CARMIL2: variants seen among roughly 807,000 people sequenced by gnomAD.
CARMIL2 encodes capping protein, Arp2/3 and myosin-I linker protein 2.
Under a neutral mutation model 173.3 loss-of-function variants are expected in CARMIL2, and 96 were observed. The ratio of observed to expected loss-of-function variants is 0.55; its 90% confidence interval spans 0.47 to 0.66. CARMIL2 has a LOEUF of 0.66. CARMIL2 is among the 30% of genes least tolerant of loss of function. CARMIL2 has a pLI of 0.00. For synonymous variants in CARMIL2, 830 were observed against 817.1 expected (o/e 1.02, Z -0.27); for missense variants, 1,771 against 1,906.7 (o/e 0.93, Z 1.33).
At position 67,647,166 on chromosome 16, in the gene CARMIL2, G is replaced by C; in HGVS notation, c.662G>C (p.Cys221Ser). 1 of 1,613,848 alleles carries C rather than the reference G, an allele frequency of 6.2e-7. No homozygotes were observed. The highest frequency in any genetic ancestry group is 1.1e-5 in the South Asian group (1 of 91,088). The change falls in exon 9 of 38, where the codon TGC (cysteine) becomes TCC (serine). Residue 221 changes from cysteine to serine, a missense_variant. Physicochemically the swap from Cys to Ser is moderately radical, Grantham distance 112. Coordinates refer to ENST00000334583, the MANE Select transcript of CARMIL2 (RefSeq NM_001013838.3). Reference sequence around the variant, plus strand: ...CTGTCCTACAACCTGTGGTTCCGGTGCCTCTCCTGTGTGGACATGAAGCTG... The same window carrying C: ...CTGTCCTACAACCTGTGGTTCCGGTCCCTCTCCTGTGTGGACATGAAGCTG... ...AALSYNLWFR[C>S]LSCVDMKLSL...
chr16:67,655,960 A>C, intron 32 of CARMIL2, 71 bp from the exon 33 acceptor site: 1 of 1,535,274 alleles, frequency 6.5e-7, no homozygotes, highest in Non-Finnish European at 8.8e-7. Flanking sequence ...GATTATAAGA[A>C]CAAGAACGAA....
In CARMIL2 at chr16:67,645,232, C is replaced by A; in HGVS notation, c.-15C>A. On this transcript the variant is annotated 5_prime_UTR_variant, in exon 1 of 38. Coordinates refer to ENST00000334583, the MANE Select transcript of CARMIL2 (RefSeq NM_001013838.3). ...CCCGCCGGAGCTCGTTGGGCCTCCC[C>A]GGCCCGCCCGGCCCATGGCCCAGAC... 1 of 1,579,000 alleles carries A rather than the reference C, an allele frequency of 6.3e-7. No homozygotes were observed. The highest frequency in any genetic ancestry group is 2.3e-5 in the East Asian group (1 of 43,274).
chr16:67,649,797 C>T lies in CARMIL2; in HGVS notation c.1920-9C>T, dbSNP rs765304427. ...GCTCCGTCCCCGACTGAAGCCAGGC[C>T]CGGCCCAGGTCTGTGGTCTGGGACC... On this transcript the variant is annotated splice_polypyrimidine_tract_variant and intron_variant, in intron 20 of 37. Transcript: ENST00000334583. The surrounding 1 kb of genome is among the most constrained non-coding windows in gnomAD (Gnocchi z 6.7). 1.9e-6 allele frequency: 3 copies of T among 1,607,582 alleles called. No individual in the cohort carries two copies. In the South Asian group the frequency reaches 3.3e-5, roughly 18 times the overall value.
In CARMIL2 at chr16:67,653,120, GC is replaced by G; in HGVS notation, c.2990del (p.Pro997LeufsTer72). ...PSARGSPSPA[A>X]PGPPAGPLPR... The stretch of plus-strand genomic sequence containing the variant: ...CGCGCGCGGCTCTCCGAGCCCTGCC[GC>G]CCCTGGGCCCCCGGCCGGCCCGCTG... On this transcript the variant is annotated frameshift_variant, in exon 29 of 38. Coordinates refer to ENST00000334583, the MANE Select transcript of CARMIL2 (RefSeq NM_001013838.3). LOFTEE classifies it high-confidence loss of function. The surrounding 1 kb of genome is among the most constrained non-coding windows in gnomAD (Gnocchi z 7.4). 3.6e-6 allele frequency: 4 copies of G among 1,124,966 alleles called. No individual in the cohort carries two copies. Among genetic ancestry groups the G allele is most frequent in the South Asian group, 2.9e-5 (1 of 34,924 alleles). The allele number at this position is 1,124,966 out of a possible 1,614,324, so 69.7% of individuals were successfully genotyped here.
rs1436784717 is a variant in CARMIL2, at chr16:67,649,323, G to A, written c.1746+12G>A. 1.2e-6 allele frequency: 2 copies of A among 1,611,174 alleles called. No individual in the cohort carries two copies. The highest frequency in any genetic ancestry group is 1.7e-5 in the Admixed American group (1 of 60,006). On this transcript the variant is annotated intron_variant, in intron 19 of 37. Transcript: ENST00000334583. The surrounding 1 kb of genome is among the most constrained non-coding windows in gnomAD (Gnocchi z 6.7). ...AGGACGACGATTGTGTGAGTTCACGGGACCTTGCAGGGCCTCGGGCAATTA... is the reference window on the plus strand; with the variant it reads ...AGGACGACGATTGTGTGAGTTCACGAGACCTTGCAGGGCCTCGGGCAATTA...
At chr16:67,654,271 GGGGTGGGAGA>G in intron 30 of CARMIL2, 22 bp downstream of exon 30, 2 of 1,574,656 alleles carry the variant, frequency 1.3e-6, no homozygotes, top group Non-Finnish European at 1.7e-6. Context: ...GCATCTGCTG[GGGGTGGGAGA>G]GGGTGGGATG....
chr16:67,653,054 GC>G lies in CARMIL2; in HGVS notation c.2921del (p.Ala974GlyfsTer95). On this transcript the variant is annotated frameshift_variant, in exon 29 of 38. Coordinates refer to ENST00000334583, the MANE Select transcript of CARMIL2 (RefSeq NM_001013838.3). LOFTEE classifies it high-confidence loss of function. This position sits in a 1 kb window ranked among gnomAD's most constrained non-coding sequence, Gnocchi z 7.4. ...AEEAEPEPEL[A>X]APGEDAEPQA... ...GGAAGCGGAGCCGGAGCCCGAGCTGGCGGCTCCGGGAGAAGATGCAGAGCCG... is the reference window on the plus strand; with the variant it reads ...GGAAGCGGAGCCGGAGCCCGAGCTGGGGCTCCGGGAGAAGATGCAGAGCCG... 7.9e-7 allele frequency: 1 copy of G among 1,270,032 alleles called. No individual in the cohort carries two copies. Among genetic ancestry groups the G allele is most frequent in the Admixed American group, 3.8e-5 (1 of 26,252 alleles). 78.7% of individuals were successfully genotyped at this position (1,270,032 alleles called of 1,614,324 possible).
intron 9 of CARMIL2, 22 bp from the exon 10 acceptor site, chr16:67,647,277 G>T (rs1318664247): frequency 6.2e-7 from 1 of 1,609,940 alleles, no homozygotes; most frequent in South Asian, 1.1e-5. Context: ...CAGCCCGTGA[G>T]CCGCCGCCCT....
Position 67,654,671 on chromosome 16 carries a change from G to T in CARMIL2, c.3561G>T (p.Thr1187=). ...MILLPAEEEA[T]LGARPDKRRP... is the part of the protein sequence containing the mutation. ...TGCTGCCTGCCGAGGAGGAGGCAAC[G>T]CTGGGTGCCAGACCCGACAAGGTGA... Residue 1187 remains threonine, a synonymous_variant, in exon 31 of 38, where the codon ACG becomes ACT. Coordinates refer to ENST00000334583, the MANE Select transcript of CARMIL2 (RefSeq NM_001013838.3). 6.3e-7 allele frequency: 1 copy of T among 1,587,176 alleles called. No homozygotes were observed. The highest frequency in any genetic ancestry group is 8.6e-7 in the Non-Finnish European group (1 of 1,165,340).
In CARMIL2 at chr16:67,649,178, C is replaced by T. The variant is rs1313153984; in HGVS notation, c.1688+6C>T. ...AACTTCAACGTCCGGTGCAAGTGAG[C>T]CCCCACCCTACTCCTGGGCCTCCCA... On this transcript the variant is annotated splice_donor_region_variant and intron_variant, in intron 18 of 37. Coordinates refer to ENST00000334583, the MANE Select transcript of CARMIL2 (RefSeq NM_001013838.3). This position sits in a 1 kb window ranked among gnomAD's most constrained non-coding sequence, Gnocchi z 6.7. The T allele has an allele frequency of 1.2e-6, 2 of 1,612,904 alleles. No individual in the cohort carries two copies. The highest frequency in any genetic ancestry group is 2.7e-5 in the African/African-American group (2 of 74,890).
At chr16:67,650,443 C>T (rs1012522562) in intron 22 of CARMIL2, 4 of 487,292 alleles carry the variant, frequency 8.2e-6, no homozygotes, top group African/African-American at 5.8e-5. Context: ...TCTGTCCTCA[C>T]ATATACGTGA....
Position 67,651,020 on chromosome 16 carries a change from A to G in CARMIL2, c.2185-167A>G. 2.8e-6 allele frequency: 2 copies of G among 705,210 alleles called. No homozygotes were observed. Among genetic ancestry groups the G allele is most frequent in the Admixed American group, 5.9e-5 (2 of 34,008 alleles). The allele number at this position is 705,210 out of a possible 1,614,324, so 43.7% of individuals were successfully genotyped here. A position where few individuals can be genotyped will look rare whatever the true frequency, so the allele number is the denominator to read the frequency against. ...ATATAAAGTCCTTAAAATGAACCAA[A>G]GCAACAGATAGTTCCTTCCCTCCTT... On this transcript the variant is annotated intron_variant, in intron 22 of 37. Coordinates refer to ENST00000334583, the MANE Select transcript of CARMIL2 (RefSeq NM_001013838.3). This position sits in a 1 kb window ranked among gnomAD's most constrained non-coding sequence, Gnocchi z 4.2.
chr16:67,647,698 G>C lies in CARMIL2; in HGVS notation c.890G>C (p.Arg297Thr). Residue 297 changes from arginine (R) to threonine (T), a missense_variant, in exon 12 of 38, where the codon AGA (arginine) becomes ACA (threonine). Transcript: ENST00000334583. ...CCCCAAGGCATGACTGCACTCAGCAGACACCTCGAGCGTTGTCCAGGAGCC... is the reference window on the plus strand; with the variant it reads ...CCCCAAGGCATGACTGCACTCAGCACACACCTCGAGCGTTGTCCAGGAGCC... ...LDDRGMTALS[R>T]HLERCPGALR... The C allele has an allele frequency of 6.3e-7, 1 of 1,596,140 alleles. No homozygotes were observed. Among genetic ancestry groups the C allele is most frequent in the Non-Finnish European group, 8.5e-7 (1 of 1,172,368 alleles).
chr16:67,656,936 C>T, intron 36 of CARMIL2, 55 bp downstream of exon 36: 1 of 1,355,342 alleles, frequency 7.4e-7, no homozygotes, highest in Non-Finnish European at 1.0e-6. Flanking sequence ...GGAGGGTGGG[C>T]TTCTGGGGCT....
At position 67,652,340 on chromosome 16, in the gene CARMIL2, G is replaced by A. The variant is rs1385898860; in HGVS notation, c.2817+1G>A. The A allele has an allele frequency of 1.9e-6, 3 of 1,613,208 alleles. No homozygotes were observed. The highest frequency in any genetic ancestry group is 2.5e-6 in the Non-Finnish European group (3 of 1,179,828). ...GGAGAAGGAAGAGGAGAAGGAGAAGGTAAGTGGTTTTAGAACACGGGGCAT... is the reference window on the plus strand; with the variant it reads ...GGAGAAGGAAGAGGAGAAGGAGAAGATAAGTGGTTTTAGAACACGGGGCAT... On this transcript the variant is annotated splice_donor_variant, in intron 27 of 37. Coordinates refer to ENST00000334583, the MANE Select transcript of CARMIL2 (RefSeq NM_001013838.3). LOFTEE classifies it high-confidence loss of function. This position sits in a 1 kb window ranked among gnomAD's most constrained non-coding sequence, Gnocchi z 4.7.
In CARMIL2 at chr16:67,656,255, C is replaced by T. The variant is rs756653373; in HGVS notation, c.3770C>T (p.Ala1257Val). 6 of 1,613,878 alleles carry T rather than the reference C, an allele frequency of 3.7e-6. No individual in the cohort carries two copies. Among genetic ancestry groups the T allele is most frequent in the African/African-American group, 2.7e-5 (2 of 74,928 alleles). ...GACATTATGGACAGTTCCACGGAGG[C>T]CCCTCCCATCTCGATCAAGTCCCGC... The part of the protein sequence containing the change: ...DGDIMDSSTE[A>V]PPISIKSRTH... The change falls in exon 34 of 38, where the codon GCC (alanine) becomes GTC (valine). Residue 1257 changes from alanine to valine, a missense_variant. Transcript: ENST00000334583.
rs1049535066 is a variant in CARMIL2, at chr16:67,650,117, G to T, written c.2151G>T (p.Gln717His). 3 of 1,613,310 alleles carry T rather than the reference G, an allele frequency of 1.9e-6. No individual in the cohort carries two copies. The highest frequency in any genetic ancestry group is 2.5e-6 in the Non-Finnish European group (3 of 1,179,732). ...CTTCTGACCACACGACCCGCCTTCAGCCACTTGGTCTGGTCTCAGACCCCT... is the reference window on the plus strand; with the variant it reads ...CTTCTGACCACACGACCCGCCTTCATCCACTTGGTCTGGTCTCAGACCCCT... ...PASSDHTTRLQPLGLVSDPSE... is the reference protein window; with the variant it reads ...PASSDHTTRLHPLGLVSDPSE... Residue 717 changes from glutamine to histidine, a missense_variant, in exon 22 of 38, where the codon CAG becomes CAT. Physicochemically the swap from Gln to His is conservative, Grantham distance 24. Coordinates refer to ENST00000334583, the MANE Select transcript of CARMIL2 (RefSeq NM_001013838.3).
In CARMIL2 at chr16:67,652,636, C is replaced by T; in HGVS notation, c.2884+98C>T. On this transcript the variant is annotated intron_variant, in intron 28 of 37. Coordinates refer to ENST00000334583, the MANE Select transcript of CARMIL2 (RefSeq NM_001013838.3). This position sits in a 1 kb window ranked among gnomAD's most constrained non-coding sequence, Gnocchi z 4.7. ...CCTGGATGAACTCATTCAGCCTTGTCTGGGTACCCACCAGCCCTTGACTGG... is the reference window on the plus strand; with the variant it reads ...CCTGGATGAACTCATTCAGCCTTGTTTGGGTACCCACCAGCCCTTGACTGG... The T allele has an allele frequency of 8.3e-7, 1 of 1,202,016 alleles. No homozygotes were observed. Among genetic ancestry groups the T allele is most frequent in the Non-Finnish European group, 1.2e-6 (1 of 836,866 alleles). The allele number at this position is 1,202,016 out of a possible 1,614,324, so 74.5% of individuals were successfully genotyped here. A position where few individuals can be genotyped will look rare whatever the true frequency, so the allele number is the denominator to read the frequency against.
Position 67,653,719 on chromosome 16 carries a change from C to G in CARMIL2, c.3121-430C>G, listed in dbSNP as rs2052774158. On this transcript the variant is annotated intron_variant, in intron 29 of 37. Coordinates refer to ENST00000334583, the MANE Select transcript of CARMIL2 (RefSeq NM_001013838.3). This position sits in a 1 kb window ranked among gnomAD's most constrained non-coding sequence, Gnocchi z 7.4. The stretch of plus-strand genomic sequence containing the variant: ...AGGGCGGGGAGGAGCCGGCTTGAGG[C>G]CCCCCAGAGGGTCTGACGCAGCAGC... 1.3e-5 allele frequency among the ~76,000 whole-genome samples: 2 copies of G among 151,976 alleles called. No homozygotes were observed. Among genetic ancestry groups the G allele is most frequent in the Non-Finnish European group, 2.9e-5 (2 of 67,926 alleles).
Sources: allele counts gnomAD v4.1 joint callset (sites outside exome capture counted in the v4.1 genomes callset), GRCh38; gene constraint gnomAD v4.1.1; non-coding constraint Gnocchi (gnomAD v3.1); transcripts MANE v1.5; gene names NCBI Gene and HGNC (gene_info 2026-07-23, HGNC 2026-07-21).